CMTR1: variants seen among roughly 807,000 people sequenced by gnomAD.
CMTR1 encodes the protein cap methyltransferase 1.
Under a neutral mutation model 107.0 loss-of-function variants are expected in CMTR1, and 39 were observed. The ratio of observed to expected loss-of-function variants is 0.36; its 90% CI spans 0.28 to 0.48. The LOEUF is 0.48. Ranked by LOEUF, CMTR1 falls within the 20% of genes least tolerant of loss-of-function variation. The probability of loss-of-function intolerance (pLI) is 0.99; values close to 1 mark genes in which losing one functional copy is unlikely to be tolerated. For synonymous variants in CMTR1, 366 were observed against 379.5 expected (o/e 0.96, Z 0.41); for missense variants, 672 against 1,064.9 (o/e 0.63, Z 5.14).
rs2113900868 is a variant in CMTR1, at chr6:37,481,373, G to A, written c.*1228G>A. The A allele has an allele frequency of 8.4e-7, 1 of 1,188,592 alleles. No individual in the cohort carries two copies. The highest frequency in any genetic ancestry group is 1.6e-5 in the South Asian group (1 of 63,108). The allele number at this position is 1,188,592 out of a possible 1,614,324, so 73.6% of individuals were successfully genotyped here. On this transcript the variant is annotated 3_prime_UTR_variant, in exon 24 of 24. Coordinates refer to ENST00000373451, the MANE Select transcript of CMTR1 (RefSeq NM_015050.3). ...AGGTTGGAATCGACTTCACCATGGG[G>A]GTCCTTCAGCCAGCATCCAGCTCCC...
At chr6:37,435,830 G>C (rs1771517368) in intron 2 of CMTR1, 68 bp downstream of exon 2, 2 of 1,492,576 alleles carry the variant, frequency 1.3e-6, no homozygotes, top group African/African-American at 1.4e-5. Context: ...GTCTAATCTA[G>C]GTGGAGCAGA....
chr6:37,443,635 C>T (rs529350771), intron 2 of CMTR1, among the ~76,000 whole-genome samples: 35 of 152,152 alleles, frequency 2.3e-4, no homozygotes, highest in Non-Finnish European at 4.7e-4. Flanking sequence ...TGGGATTACG[C>T]GTGAGCCACC....
In CMTR1 at chr6:37,481,405, C is replaced by G. The variant is rs1761854911; in HGVS notation, c.*1260C>G. 7 of 1,185,716 alleles carry G rather than the reference C, an allele frequency of 5.9e-6. No homozygotes were observed. In the South Asian group the frequency reaches 1.1e-4, roughly 19 times the overall value. The allele number at this position is 1,185,716 out of a possible 1,614,324, so 73.4% of individuals were successfully genotyped here. A position where few individuals can be genotyped will look rare whatever the true frequency, so the allele number is the denominator to read the frequency against. ...CAGCCAGCATCCAGCTCCCCACCCC[C>G]AGGCTGGCAGTAGCACTGCTGAGAT... On this transcript the variant is annotated 3_prime_UTR_variant, in exon 24 of 24. Coordinates refer to ENST00000373451, the MANE Select transcript of CMTR1 (RefSeq NM_015050.3).
intron 10 of CMTR1, among the ~76,000 whole-genome samples, chr6:37,460,331 C>G (rs1008521436): frequency 2.0e-5 from 3 of 152,176 alleles, no homozygotes; most frequent in African/African-American, 7.2e-5. Flanking sequence ...GATGCCTAGG[C>G]TCACCAAAGC....
rs554913472 is a variant in CMTR1 at position 37,479,067 on chromosome 6, G to C, written c.2267-80G>C. On this transcript the variant is annotated intron_variant, in intron 22 of 23. Transcript: ENST00000373451. ...GTGGGAGGCAGGAATAGGACCACCG[G>C]GAGTGGAGGAAGGTACACGCCTGTC... is the stretch of plus-strand genomic sequence containing the variant. 9.4e-4 allele frequency: 895 copies of C among 949,366 alleles called. 3 individuals carry two copies. The highest frequency in any genetic ancestry group is 1.3e-3 in the Non-Finnish European group (784 of 593,528). The allele number at this position is 949,366 out of a possible 1,614,324, so 58.8% of individuals were successfully genotyped here.
chr6:37,435,885 C>G (rs927750593), intron 2 of CMTR1, 123 bp downstream of exon 2: 1 of 967,674 alleles, frequency 1.0e-6, no homozygotes, highest in Non-Finnish European at 1.5e-6. Flanking sequence ...ATTAGGAATA[C>G]TCTACAGAGA....
rs1464731270 is a variant in CMTR1, at chr6:37,446,196, TTTC to T, written c.286-92_286-90del. The T allele has an allele frequency of 3.0e-6, 4 of 1,321,474 alleles. No individual in the cohort carries two copies. In the African/African-American group the frequency reaches 5.9e-5, roughly 19 times the overall value. 81.9% of individuals were successfully genotyped at this position (1,321,474 alleles called of 1,614,324 possible). On this transcript the variant is annotated intron_variant, in intron 3 of 23. Transcript: ENST00000373451. The stretch of plus-strand genomic sequence containing the variant: ...AAACTTTAGACTTTAATCATCTATT[TTTC>T]TTAGGATTTAGCACACTGTTTGGCA...
chr6:37,476,057 G>C, intron 19 of CMTR1, 69 bp from the exon 20 acceptor site: 1 of 1,469,874 alleles, frequency 6.8e-7, no homozygotes, highest in Non-Finnish European at 9.5e-7. Context: ...CTGTGAAAAT[G>C]CCCTGGGGGT....
Position 37,462,857 on chromosome 6 carries a change from G to A in CMTR1, c.1354G>A (p.Gly452Ser). ...TGTGGTGTGCAAGGGCCTGAAGGTG[G>A]GCATAGATGATGTTCGGGATTACCT... ...RYVVCKGLKV[G>S]IDDVRDYLFA... is the part of the protein sequence containing the mutation. Residue 452 changes from glycine (G) to serine (S), a missense_variant, in exon 13 of 24, where the codon GGC becomes AGC. Gly to Ser is a moderately conservative substitution (Grantham distance 56). Transcript: ENST00000373451. 6.2e-7 allele frequency: 1 copy of A among 1,613,012 alleles called. No homozygotes were observed. Among genetic ancestry groups the A allele is most frequent in the Non-Finnish European group, 8.5e-7 (1 of 1,180,028 alleles).
rs1368016840 is a variant in CMTR1, at chr6:37,458,522, G to A, written c.778-90G>A. 3 of 1,290,460 alleles carry A rather than the reference G, an allele frequency of 2.3e-6. No individual in the cohort carries two copies. The African/African-American group carries it at 4.4e-5, about 19-fold the overall frequency. 79.9% of individuals were successfully genotyped at this position (1,290,460 alleles called of 1,614,324 possible). On this transcript the variant is annotated intron_variant, in intron 8 of 23. Transcript: ENST00000373451. This position sits in a 1 kb window ranked among gnomAD's most constrained non-coding sequence, Gnocchi z 4.7. The stretch of plus-strand genomic sequence containing the variant: ...AGCTCTGGATTGTACTTGCCGAAAG[G>A]CTTATTTTACTCTCCCTGCATTCTC...
rs971209120 is a variant in CMTR1, at chr6:37,472,388, A to G, written c.1621-31A>G. 1.2e-6 allele frequency: 2 copies of G among 1,610,172 alleles called. No homozygotes were observed. Among genetic ancestry groups the G allele is most frequent in the East Asian group, 4.5e-5 (2 of 44,868 alleles). Reference sequence around the variant, plus strand: ...ACGGTCTTGGTCAAAAGGGCATTTGAAAGTCAAAGCTCTTTGCTGTCTTAT... The same window carrying G: ...ACGGTCTTGGTCAAAAGGGCATTTGGAAGTCAAAGCTCTTTGCTGTCTTAT... On this transcript the variant is annotated intron_variant, in intron 15 of 23. Coordinates refer to ENST00000373451, the MANE Select transcript of CMTR1 (RefSeq NM_015050.3). This position sits in a 1 kb window ranked among gnomAD's most constrained non-coding sequence, Gnocchi z 4.1.
At position 37,458,530 on chromosome 6, in the gene CMTR1, T is replaced by C; in HGVS notation, c.778-82T>C. ...ATTGTACTTGCCGAAAGGCTTATTT[T>C]ACTCTCCCTGCATTCTCCTTCCTGT... On this transcript the variant is annotated intron_variant, in intron 8 of 23. Transcript: ENST00000373451. This position sits in a 1 kb window ranked among gnomAD's most constrained non-coding sequence, Gnocchi z 4.7. 7.3e-7 allele frequency: 1 copy of C among 1,378,708 alleles called. No homozygotes were observed. Among genetic ancestry groups the C allele is most frequent in the South Asian group, 1.3e-5 (1 of 76,544 alleles). 85.4% of individuals were successfully genotyped at this position (1,378,708 alleles called of 1,614,324 possible). A position where few individuals can be genotyped will look rare whatever the true frequency, so the allele number is the denominator to read the frequency against.
the CMTR1 span, among the ~76,000 whole-genome samples, chr6:37,425,721 C>T: frequency 6.6e-6 from 1 of 152,116 alleles, no homozygotes; most frequent in Non-Finnish European, 1.5e-5. Context: ...AAGATTCTCT[C>T]TTTGTCTTTC....
In CMTR1 at chr6:37,445,013, G is replaced by A. The variant is rs1771755024; in HGVS notation, c.285+863G>A. On this transcript the variant is annotated intron_variant, in intron 3 of 23. Coordinates refer to ENST00000373451, the MANE Select transcript of CMTR1 (RefSeq NM_015050.3). ...TGCACTCCAGCCTAATTAACAAAGT[G>A]AGACTCTGTCTCAAAAAATAAAAAA... is the stretch of plus-strand genomic sequence containing the variant. Among the ~76,000 whole-genome samples the A allele has an allele frequency of 3.3e-5, 5 of 152,216 alleles. No individual in the cohort carries two copies. The South Asian group carries it at 8.3e-4, about 25-fold the overall frequency.
At position 37,458,560 on chromosome 6, in the gene CMTR1, C is replaced by T. The variant is rs1034261283; in HGVS notation, c.778-52C>T. 28 of 1,567,430 alleles carry T rather than the reference C, an allele frequency of 1.8e-5. No homozygotes were observed. The highest frequency in any genetic ancestry group is 2.2e-5 in the Non-Finnish European group (25 of 1,144,340). ...TCCCTGCATTCTCCTTCCTGTTGCC[C>T]ATTGAGCTGTCTTGTTTTCCTTCCT... On this transcript the variant is annotated intron_variant, in intron 8 of 23. Coordinates refer to ENST00000373451, the MANE Select transcript of CMTR1 (RefSeq NM_015050.3). The surrounding 1 kb of genome is among the most constrained non-coding windows in gnomAD (Gnocchi z 4.7).
rs533915024 is a variant in CMTR1, at chr6:37,477,674, A to G, written c.2153+35A>G. On this transcript the variant is annotated intron_variant, in intron 21 of 23. Coordinates refer to ENST00000373451, the MANE Select transcript of CMTR1 (RefSeq NM_015050.3). ...TTGACCGGTGAAGCTCAGATTCAAG[A>G]GGAGGTGGGGGTGCGGCCGTGTCCT... 3.5e-6 allele frequency: 5 copies of G among 1,434,416 alleles called. No individual in the cohort carries two copies. The African/African-American group carries it at 6.2e-5, about 18-fold the overall frequency. 88.9% of individuals were successfully genotyped at this position (1,434,416 alleles called of 1,614,324 possible). A position where few individuals can be genotyped will look rare whatever the true frequency, so the allele number is the denominator to read the frequency against.
chr6:37,466,195 C>T (rs1369970335), intron 13 of CMTR1, among the ~76,000 whole-genome samples: 1 of 150,850 alleles, frequency 6.6e-6, no homozygotes, highest in Non-Finnish European at 1.5e-5. Context: ...TCACTGCAAC[C>T]TCTGCCTCCC....
At chr6:37,449,302 T>TGTTATGTTATGTTAC (rs1771881595) in intron 4 of CMTR1, among the ~76,000 whole-genome samples, 1 of 151,702 alleles carries the variant, frequency 6.6e-6, no homozygotes, top group East Asian at 1.9e-4. Context: ...TGTTATGTTA[T>TGTTATGTTATGTTAC]GTTATGTTAT....
In CMTR1 at chr6:37,462,712, G is replaced by A. The variant is rs904249; in HGVS notation, c.1326-117G>A. Reference sequence around the variant, plus strand: ...GGGTCTGTGTTGTTCTTTGTGCGTAGGCCTAAGGTTGAACAGGGAAGCCAT... The same window carrying A: ...GGGTCTGTGTTGTTCTTTGTGCGTAAGCCTAAGGTTGAACAGGGAAGCCAT... On this transcript the variant is annotated intron_variant, in intron 12 of 23. Coordinates refer to ENST00000373451, the MANE Select transcript of CMTR1 (RefSeq NM_015050.3). The A allele has an allele frequency of 0.02, 18,218 of 895,316 alleles. 1,948 individuals are homozygous for A. The African/African-American group carries it at 0.24, about 12-fold the overall frequency. 55.5% of individuals were successfully genotyped at this position (895,316 alleles called of 1,614,324 possible).
Sources: gnomAD v4.1 joint callset for allele counts (sites outside exome capture counted in the v4.1 genomes callset) on GRCh38, gnomAD v4.1.1 for gene constraint, Gnocchi (gnomAD v3.1) non-coding constraint, MANE v1.5 for transcripts, NCBI Gene and HGNC (gene_info 2026-07-23, HGNC 2026-07-21) for gene names.